The following MBOAT1 variants were observed in gnomAD, a reference collection of about 807,000 sequenced individuals.
MBOAT1 encodes the protein membrane bound glycerophospholipid O-acyltransferase 1.
Under a neutral mutation model 64.4 loss-of-function variants are expected in MBOAT1, and 67 were observed. The observed-to-expected ratio is 1.04, with a 90% CI of 0.85 to 1.27. The LOEUF (loss-of-function observed/expected upper bound fraction) is 1.27. Among genes scored for constraint, MBOAT1 ranks in the 50% most tolerant of loss-of-function variants. The pLI is 0.00. For missense variants in MBOAT1, 563 were observed against 604.6 expected (o/e 0.93, Z 0.72); for synonymous variants, 229 against 218.9 (o/e 1.05, Z -0.41).
chr6:20,175,072 A>G (rs75060522), intron 1 of MBOAT1, among the ~76,000 whole-genome samples: 5,551 of 152,272 alleles, frequency 0.036, 109 homozygotes, highest in African/African-American at 0.046. Context: ...GACTTCTGCA[A>G]GCAAGCAAAG....
intron 1 of MBOAT1, among the ~76,000 whole-genome samples, chr6:20,198,349 G>A (rs1013078196): frequency 2.6e-5 from 4 of 152,156 alleles, no homozygotes; most frequent in East Asian, 1.9e-4. Context: ...TGAAATGCCC[G>A]TGAGACCCTT....
rs549630861 is a variant in MBOAT1 at position 20,167,247 on chromosome 6, T to C, written c.100-14478A>G. Among the ~76,000 whole-genome samples the C allele has an allele frequency of 3.3e-5, 5 of 152,342 alleles. No individual in the cohort carries two copies. In the East Asian group the frequency reaches 9.6e-4, roughly 29 times the overall value. ...TAGCACCATTGTATCTATATCTTCA[T>C]GTACTGGTAAATATATGTCTATAAG... On this transcript the variant is annotated intron_variant, in intron 1 of 12. Coordinates refer to ENST00000324607, the MANE Select transcript of MBOAT1 (RefSeq NM_001080480.3).
intron 1 of MBOAT1, among the ~76,000 whole-genome samples, chr6:20,199,977 T>A (rs1235417419): frequency 1.3e-5 from 2 of 151,308 alleles, no homozygotes; most frequent in East Asian, 1.9e-4. Flanking sequence ...CAAAAAAAAA[T>A]AAAATAATGG....
chr6:20,120,019 G>GTT (rs1297037331), intron 8 of MBOAT1, among the ~76,000 whole-genome samples: 2 of 151,746 alleles, frequency 1.3e-5, no homozygotes, highest in Non-Finnish European at 2.9e-5. Context: ...GTGTGTGTGT[G>GTT]TGTGTTTTCA....
intron 4 of MBOAT1, among the ~76,000 whole-genome samples, chr6:20,137,934 C>G (rs555280935): frequency 1.3e-5 from 2 of 152,252 alleles, no homozygotes; most frequent in African/African-American, 4.8e-5. Context: ...TGACAAAATC[C>G]GAAACAAGAT....
chr6:20,132,651 T>C (rs1386344690), intron 4 of MBOAT1, among the ~76,000 whole-genome samples: 1 of 152,212 alleles, frequency 6.6e-6, no homozygotes, highest in East Asian at 1.9e-4. Context: ...TATAAATCTT[T>C]GTGACTTCAG....
At chr6:20,112,836 A>G (rs1312285122) in intron 11 of MBOAT1, 40 bp downstream of exon 11, 1 of 1,592,808 alleles carries the variant, frequency 6.3e-7, no homozygotes, top group South Asian at 1.2e-5. Context: ...CAGGCATCAG[A>G]TTACTAAGGG....
Position 20,102,195 on chromosome 6 carries a change from G to T in MBOAT1, c.*91C>A. 1 of 1,182,628 alleles carries T rather than the reference G, an allele frequency of 8.5e-7. No individual in the cohort carries two copies. Among genetic ancestry groups the T allele is most frequent in the Non-Finnish European group, 1.1e-6 (1 of 874,230 alleles). 73.3% of individuals were successfully genotyped at this position (1,182,628 alleles called of 1,614,324 possible). A position where few individuals can be genotyped will look rare whatever the true frequency, so the allele number is the denominator to read the frequency against. On this transcript the variant is annotated 3_prime_UTR_variant, in exon 13 of 13. Transcript: ENST00000324607. ...CAAAATAAAGATGCATGTAAACATCGCCTCTAAGCCACCGGAGGAGCCCTT... is the reference window on the plus strand; with the variant it reads ...CAAAATAAAGATGCATGTAAACATCTCCTCTAAGCCACCGGAGGAGCCCTT...
chr6:20,107,164 AC>A (rs1345238392), intron 12 of MBOAT1, among the ~76,000 whole-genome samples: 3 of 152,014 alleles, frequency 2.0e-5, no homozygotes, highest in African/African-American at 7.3e-5. Flanking sequence ...TCTGTTACTC[AC>A]CCTCTCTTGA....
intron 4 of MBOAT1, among the ~76,000 whole-genome samples, chr6:20,133,520 G>A (rs905486695): frequency 1.3e-5 from 2 of 152,140 alleles, no homozygotes; most frequent in African/African-American, 4.8e-5. Flanking sequence ...GGCCTTCAAA[G>A]CACAAGAGTT....
chr6:20,135,745 T>C (rs1353687624), intron 4 of MBOAT1, among the ~76,000 whole-genome samples: 68 of 152,234 alleles, frequency 4.5e-4, no homozygotes, highest in Admixed American at 4.4e-3. Context: ...CTCTACTTCG[T>C]ATCTTTATTA....
At chr6:20,110,630 G>A (rs1760110459) in intron 11 of MBOAT1, among the ~76,000 whole-genome samples, 1 of 151,890 alleles carries the variant, frequency 6.6e-6, no homozygotes, top group African/African-American at 2.4e-5. Flanking sequence ...ACCTCCCAAA[G>A]GAAAGCATCA....
intron 4 of MBOAT1, among the ~76,000 whole-genome samples, chr6:20,133,564 T>C (rs895432718): frequency 1.3e-5 from 2 of 152,306 alleles, no homozygotes; most frequent in Admixed American, 6.5e-5. Flanking sequence ...CATTTTGCTC[T>C]TTCTGAATGA....
At chr6:20,115,243 A>G in intron 10 of MBOAT1, 45 bp downstream of exon 10, 1 of 1,445,526 alleles carries the variant, frequency 6.9e-7, no homozygotes, top group Non-Finnish European at 9.7e-7. Context: ...CCCTCTGAAC[A>G]TATCCCAGTG....
rs1383577669 is a variant in MBOAT1, at chr6:20,111,845, TAC to T, written c.1209+1029_1209+1030del. ...ATATACATATATATACACATATATA[TAC>T]ATATATATATACATATATATACATA... On this transcript the variant is annotated intron_variant, in intron 11 of 12. Coordinates refer to ENST00000324607, the MANE Select transcript of MBOAT1 (RefSeq NM_001080480.3). Among the ~76,000 whole-genome samples, 49 of 134,458 alleles carry T rather than the reference TAC, an allele frequency of 3.6e-4. 2 individuals are homozygous for T. Among genetic ancestry groups the T allele is most frequent in the African/African-American group, 1.4e-3 (46 of 33,564 alleles). The allele number at this position is 134,458 out of a possible 152,430, so 88.2% of individuals were successfully genotyped here.
chr6:20,159,653 T>C (rs12660139), intron 1 of MBOAT1, among the ~76,000 whole-genome samples: 33,941 of 152,010 alleles, frequency 0.22, 4,563 homozygotes, highest in East Asian at 0.44. Context: ...AGGGGAGACA[T>C]TGATCAATGG....
intron 9 of MBOAT1, among the ~76,000 whole-genome samples, chr6:20,116,446 G>A (rs773024015): frequency 1.3e-5 from 2 of 152,150 alleles, no homozygotes; most frequent in South Asian, 2.1e-4. Flanking sequence ...GTTTTCAACC[G>A]TAAGAAAATA....
intron 2 of MBOAT1, 31 bp downstream of exon 2, chr6:20,152,593 C>CAATA: frequency 6.3e-7 from 1 of 1,577,394 alleles, no homozygotes; most frequent in Non-Finnish European, 8.6e-7. Flanking sequence ...TCCAAATGAC[C>CAATA]AATATTAGAA....
chr6:20,167,393 C>T (rs1374987624), intron 1 of MBOAT1, among the ~76,000 whole-genome samples: 1 of 152,198 alleles, frequency 6.6e-6, no homozygotes, highest in African/African-American at 2.4e-5. Flanking sequence ...AGGGTATGCT[C>T]TCCTCACCCT....
Sources: allele counts gnomAD v4.1 joint callset (sites outside exome capture counted in the v4.1 genomes callset), GRCh38; gene constraint gnomAD v4.1.1; transcripts MANE v1.5; gene names NCBI Gene and HGNC (gene_info 2026-07-23, HGNC 2026-07-21).